Variants in LGR4 observed in about 807,000 individuals in gnomAD.
LGR4 encodes the protein leucine-rich repeat-containing G protein-coupled receptor 4.
In LGR4, 44 loss-of-function variants were observed where a neutral mutation model predicts 84.8. The ratio of observed to expected loss-of-function variants is 0.52; its 90% CI spans 0.41 to 0.67. LGR4 has a LOEUF of 0.67. Among genes scored for constraint, LGR4 ranks in the 30% least tolerant of loss-of-function variants. The probability of loss-of-function intolerance (pLI) is 0.00; values close to 1 mark genes in which losing one functional copy is unlikely to be tolerated. For synonymous variants in LGR4, 429 were observed against 434.3 expected (o/e 0.99, Z 0.15); for missense variants, 1,032 against 1,131.4 (o/e 0.91, Z 1.26).
At position 27,368,489 on chromosome 11, in the gene LGR4, A is replaced by C. The variant is rs1311778017; in HGVS notation, c.2234T>G (p.Met745Arg). The stretch of plus-strand genomic sequence containing the variant: ...GATTAGCCAAGCGACATGCTTAATC[A>C]TGCTAGATTGTGAGTTTTCTGAGAG... The part of the protein sequence containing the change: ...EDLSENSQSS[M>R]IKHVAWLIFT... Residue 745 changes from methionine (M) to arginine (R), a missense_variant, in exon 18 of 18, where the codon ATG (methionine) becomes AGG (arginine). Coordinates refer to ENST00000379214, the MANE Select transcript of LGR4 (RefSeq NM_018490.5). The C allele has an allele frequency of 5.0e-6, 8 of 1,614,104 alleles. No homozygotes were observed. Among genetic ancestry groups the C allele is most frequent in the Non-Finnish European group, 6.8e-6 (8 of 1,180,036 alleles).
rs1225087146 is a variant in LGR4, at chr11:27,441,191, A to C, written c.186-28331T>G. 3.3e-5 allele frequency among the ~76,000 whole-genome samples: 5 copies of C among 152,196 alleles called. No homozygotes were observed. The East Asian group carries it at 9.6e-4, about 29-fold the overall frequency. On this transcript the variant is annotated intron_variant, in intron 1 of 17. Transcript: ENST00000379214. ...GGGGATCATGTAGCCAAGTATCCTC[A>C]ATGCATAGGTGAGGCAACTAGAACC...
chr11:27,392,490 T>C lies in LGR4; in HGVS notation c.286A>G (p.Ile96Val), dbSNP rs757351670. 44 of 1,550,074 alleles carry C rather than the reference T, an allele frequency of 2.8e-5. No homozygotes were observed. The highest frequency in any genetic ancestry group is 2.5e-5 in the Non-Finnish European group (29 of 1,154,694). ...AACCCAGACAAGGCCTTTGGGTGGA[T>C]AAAAGAAAGGTCGTTGCCCGCCAAT... ...LQLAGNDLSF[I>V]HPKALSGLKE... The change falls in exon 3 of 18, where the codon ATC becomes GTC. Residue 96 changes from isoleucine to valine, a missense_variant. Coordinates refer to ENST00000379214, the MANE Select transcript of LGR4 (RefSeq NM_018490.5).
At position 27,367,958 on chromosome 11, in the gene LGR4, T is replaced by C; in HGVS notation, c.2765A>G (p.Gln922Arg). 6.2e-7 allele frequency: 1 copy of C among 1,614,022 alleles called. No homozygotes were observed. The highest frequency in any genetic ancestry group is 1.1e-5 in the South Asian group (1 of 91,084). ...EDSFVSDSSD[Q>R]VQACGRACFY... ...GCAGGCTCGTCCACAGGCCTGCACC[T>C]GGTCAGAACTGTCTGAGACAAAGGA... The change falls in exon 18 of 18, where the codon CAG (glutamine) becomes CGG (arginine). Residue 922 changes from glutamine (Q) to arginine (R), a missense_variant. Physicochemically the swap from Gln to Arg is conservative, Grantham distance 43. Coordinates refer to ENST00000379214, the MANE Select transcript of LGR4 (RefSeq NM_018490.5).
In LGR4 at chr11:27,369,033, ATGT is replaced by A. The variant is rs376059218; in HGVS notation, c.1687_1689del (p.Thr563del). 14 of 1,614,146 alleles carry A rather than the reference ATGT, an allele frequency of 8.7e-6. No homozygotes were observed. Among genetic ancestry groups the A allele is most frequent in the Middle Eastern group, 1.6e-4 (1 of 6,062 alleles). ...GAAGGCAGTGATGTACAAGATGCAA[ATGT>A]TGTTAAAATAACAAGCAGGTTGAAA... On this transcript the variant is annotated inframe_deletion, in exon 18 of 18. Transcript: ENST00000379214.
rs1212329366 is a variant in LGR4, at chr11:27,472,590, C to A, written c.-288G>T. ...CCGGCGCAGCGGCGGGGGCCGCGCTCTGCCATCGCACCGGTCTCCCTGTCC... is the reference window on the plus strand; with the variant it reads ...CCGGCGCAGCGGCGGGGGCCGCGCTATGCCATCGCACCGGTCTCCCTGTCC... On this transcript the variant is annotated 5_prime_UTR_variant, in exon 1 of 18. An upstream open reading frame in the 5' UTR gains an earlier in-frame stop. Coordinates refer to ENST00000379214, the MANE Select transcript of LGR4 (RefSeq NM_018490.5). 19 of 375,260 alleles carry A rather than the reference C, an allele frequency of 5.1e-5. No homozygotes were observed. The highest frequency in any genetic ancestry group is 8.1e-5 in the Non-Finnish European group (17 of 210,696). 23.2% of individuals were successfully genotyped at this position (375,260 alleles called of 1,614,324 possible).
intron 1 of LGR4, among the ~76,000 whole-genome samples, chr11:27,462,018 G>C (rs11030015): frequency 6.6e-6 from 1 of 151,632 alleles, no homozygotes. Context: ...ATTTTTAGTA[G>C]AGAAGGGTTT....
intron 1 of LGR4, among the ~76,000 whole-genome samples, chr11:27,422,495 A>C (rs1182579880): frequency 6.6e-6 from 1 of 152,250 alleles, no homozygotes; most frequent in African/African-American, 2.4e-5. Flanking sequence ...GAAAAATGCC[A>C]GAATGCATCA....
At chr11:27,426,770 G>T (rs968888784) in intron 1 of LGR4, among the ~76,000 whole-genome samples, 1 of 152,076 alleles carries the variant, frequency 6.6e-6, no homozygotes, top group African/African-American at 2.4e-5. Context: ...AGACCCAGAG[G>T]GGTTAAATAA....
In LGR4 at chr11:27,431,277, C is replaced by A. The variant is rs550167802; in HGVS notation, c.186-18417G>T. 7.2e-5 allele frequency among the ~76,000 whole-genome samples: 11 copies of A among 152,324 alleles called. 1 individual carries two copies. The South Asian group carries it at 2.3e-3, about 32-fold the overall frequency. ...TGTGCCCTACTCCAGACCAACTAAT[C>A]AAACACTCTAGGGGTATTAACAAAC... On this transcript the variant is annotated intron_variant, in intron 1 of 17. Coordinates refer to ENST00000379214, the MANE Select transcript of LGR4 (RefSeq NM_018490.5).
Position 27,380,274 on chromosome 11 carries a change from C to G in LGR4, c.968G>C (p.Ser323Thr). ...PNLTGTVHLE[S>T]LTLTGTKISS... The stretch of plus-strand genomic sequence containing the variant: ...CTCTTCAAAGGGCCTTACTTACAGA[C>G]TTTCCAGGTGGACAGTTCCTGTAAG... Residue 323 changes from serine (S) to threonine (T), a missense_variant, in exon 10 of 18, where the codon AGT (serine) becomes ACT (threonine). Coordinates refer to ENST00000379214, the MANE Select transcript of LGR4 (RefSeq NM_018490.5). The G allele has an allele frequency of 1.2e-6, 2 of 1,605,360 alleles. No homozygotes were observed. The highest frequency in any genetic ancestry group is 1.1e-5 in the South Asian group (1 of 90,332).
In LGR4 at chr11:27,436,160, C is replaced by G. The variant is rs940011376; in HGVS notation, c.186-23300G>C. On this transcript the variant is annotated intron_variant, in intron 1 of 17. Transcript: ENST00000379214. ...TCTCCTGACCTCGTGATCCACCCAC[C>G]TTGGCCTCCCAAAGTGCTGGGATTA... 2.0e-5 allele frequency among the ~76,000 whole-genome samples: 3 copies of G among 152,024 alleles called. No individual in the cohort carries two copies. The South Asian group carries it at 6.2e-4, about 32-fold the overall frequency.
intron 1 of LGR4, among the ~76,000 whole-genome samples, chr11:27,464,573 A>C (rs1185947369): frequency 3.3e-5 from 5 of 152,206 alleles, no homozygotes; most frequent in Admixed American, 3.3e-4. Flanking sequence ...GTTTACACTA[A>C]GAGCTACATA....
chr11:27,462,518 A>C (rs1170593573), intron 1 of LGR4, among the ~76,000 whole-genome samples: 1 of 152,230 alleles, frequency 6.6e-6, no homozygotes, highest in Non-Finnish European at 1.5e-5. Flanking sequence ...TGAAGAATCT[A>C]CCAGATGAGT....
intron 13 of LGR4, 146 bp from the exon 14 acceptor site, chr11:27,374,192 C>A: frequency 1.5e-6 from 1 of 660,816 alleles, no homozygotes; most frequent in Non-Finnish European, 2.7e-6. Flanking sequence ...AATATTTTTT[C>A]ATGTTTATGT....
chr11:27,378,845 G>A, intron 10 of LGR4, 77 bp from the exon 11 acceptor site: 3 of 961,284 alleles, frequency 3.1e-6, no homozygotes, highest in Non-Finnish European at 5.0e-6. Flanking sequence ...TATAGAATAA[G>A]TGCTCACATA....
chr11:27,434,484 G>A (rs1351253967), intron 1 of LGR4, among the ~76,000 whole-genome samples: 1 of 152,196 alleles, frequency 6.6e-6, no homozygotes, highest in Non-Finnish European at 1.5e-5. Context: ...AATTTTTGGT[G>A]AAGTAGAGGC....
chr11:27,371,033 A>G (rs1354968727), intron 17 of LGR4, among the ~76,000 whole-genome samples: 2 of 152,234 alleles, frequency 1.3e-5, no homozygotes, highest in African/African-American at 4.8e-5. Context: ...ATTCTGAGTC[A>G]TAAAATTAAT....
intron 1 of LGR4, among the ~76,000 whole-genome samples, chr11:27,451,330 G>T (rs575359375): frequency 6.6e-6 from 1 of 152,248 alleles, no homozygotes; most frequent in East Asian, 1.9e-4. Context: ...TATATCAAAG[G>T]TATAAATTAT....
At chr11:27,465,613 G>A (rs1864763244) in intron 1 of LGR4, among the ~76,000 whole-genome samples, 1 of 152,186 alleles carries the variant, frequency 6.6e-6, no homozygotes, top group Non-Finnish European at 1.5e-5. Flanking sequence ...TTTAAAAGAG[G>A]TGTTTGAATA....
Sources: gnomAD v4.1 joint callset for allele counts (sites outside exome capture counted in the v4.1 genomes callset) on GRCh38, gnomAD v4.1.1 for gene constraint, MANE v1.5 for transcripts, NCBI Gene and HGNC (gene_info 2026-07-23, HGNC 2026-07-21) for gene names.